Variants in AZIN2 observed in about 807,000 individuals in gnomAD.
AZIN2 encodes the protein ODC antizyme inhibitor-2.
A neutral mutation model predicts 47.8 loss-of-function variants in AZIN2; 28 were observed. The ratio of observed to expected loss-of-function variants is 0.59; its 90% confidence interval spans 0.43 to 0.80. AZIN2 has a LOEUF of 0.80. Among genes scored for constraint, AZIN2 ranks in the 30% least tolerant of loss-of-function variants. AZIN2 has a pLI of 0.00. For missense variants in AZIN2, 535 were observed against 582.5 expected, an observed-to-expected ratio of 0.92 and a Z score of 0.84; for synonymous variants, 221 against 239.4, an observed-to-expected ratio of 0.92 and a Z score of 0.71.
intron 11 of AZIN2, chr1:33,119,819 T>C (rs1189727831): frequency 1.7e-6 from 1 of 591,480 alleles, no homozygotes; most frequent in Non-Finnish European, 3.0e-6. Context: ...ATGTCTGGCA[T>C]GTAGTAAATG....
At chr1:33,101,277 G>A (rs1305887472) in intron 10 of AZIN2, among the ~76,000 whole-genome samples, 4 of 151,716 alleles carry the variant, frequency 2.6e-5, no homozygotes, top group African/African-American at 9.7e-5. Flanking sequence ...AGCCCCAAGC[G>A]ATTGTCCAGC....
At chr1:33,083,910 C>A (rs375138247) in intron 4 of AZIN2, 44 bp from the exon 5 acceptor site, 52 of 1,608,754 alleles carry the variant, frequency 3.2e-5, no homozygotes, top group Non-Finnish European at 4.4e-5. Context: ...GCACAGGGTG[C>A]GAGCTGGATG....
downstream of AZIN2, among the ~76,000 whole-genome samples, chr1:33,124,615 C>T (rs1056729301): frequency 3.3e-5 from 5 of 152,110 alleles, no homozygotes; most frequent in African/African-American, 1.2e-4. This position sits in a 1 kb window ranked among gnomAD's most constrained non-coding sequence, Gnocchi z 4.6. Flanking sequence ...TGGTGTGCTG[C>T]ACCCATTAAC....
intron 10 of AZIN2, among the ~76,000 whole-genome samples, chr1:33,114,510 T>C (rs1020526554): frequency 1.3e-5 from 2 of 151,596 alleles, no homozygotes; most frequent in African/African-American, 2.4e-5. Context: ...CCCGCCACCA[T>C]GCCCGGCTAA....
At chr1:33,154,521 T>C in the AZIN2 span, among the ~76,000 whole-genome samples, 5 of 151,472 alleles carry the variant, frequency 3.3e-5, no homozygotes, top group Non-Finnish European at 7.4e-5. Context: ...TTTTTGAGGC[T>C]GGGCGCGGTG....
At chr1:33,152,054 T>A in the AZIN2 span, among the ~76,000 whole-genome samples, 1 of 152,184 alleles carries the variant, frequency 6.6e-6, no homozygotes, top group East Asian at 1.9e-4. Flanking sequence ...GCAAAAACAT[T>A]CTCACACTCA....
At chr1:33,143,878 T>C in the AZIN2 span, among the ~76,000 whole-genome samples, 3 of 152,208 alleles carry the variant, frequency 2.0e-5, no homozygotes, top group Admixed American at 2.0e-4. Flanking sequence ...CCAGCATAAT[T>C]TCACAAGCCT....
intron 10 of AZIN2, among the ~76,000 whole-genome samples, chr1:33,108,970 C>T (rs1644155260): frequency 6.6e-6 from 1 of 152,166 alleles, no homozygotes. Flanking sequence ...AGCGGCTGTA[C>T]CATTTTGCAT....
At chr1:33,123,754 T>G (rs141008803), downstream of AZIN2, among the ~76,000 whole-genome samples, 1,776 of 152,268 alleles carry the variant, frequency 0.012, 47 homozygotes, top group African/African-American at 0.04. Context: ...ATTCTAGTAC[T>G]TTGGGAGGCC....
chr1:33,136,182 CT>C, the AZIN2 span, among the ~76,000 whole-genome samples: 1 of 149,258 alleles, frequency 6.7e-6, no homozygotes, highest in African/African-American at 2.5e-5. Flanking sequence ...TTCCCTCCCT[CT>C]CTCCCTCCCT....
rs1644788752 is a variant in AZIN2 at position 33,121,287 on chromosome 1, G to A, written c.*1105G>A. On this transcript the variant is annotated 3_prime_UTR_variant, in exon 12 of 12. Transcript: ENST00000294517. ...TCACCCTTTTAAATGCAGAAGCCTG[G>A]GTGCAGTGGCTCACACCTGTAATCC... is the stretch of plus-strand genomic sequence containing the variant. 6.6e-6 allele frequency among the ~76,000 whole-genome samples: 1 copy of A among 152,176 alleles called. No individual in the cohort carries two copies. The highest frequency in any genetic ancestry group is 1.5e-5 in the Non-Finnish European group (1 of 68,036).
the AZIN2 span, chr1:33,163,543 C>T: frequency 2.0e-5 from 3 of 152,460 alleles, no homozygotes; most frequent in Admixed American, 6.5e-5. Context: ...AGGGCAGAGT[C>T]ACCCTTTCCC....
At chr1:33,094,219 A>G (rs1464338265) in intron 7 of AZIN2, among the ~76,000 whole-genome samples, 1 of 152,182 alleles carries the variant, frequency 6.6e-6, no homozygotes, top group Non-Finnish European at 1.5e-5. Flanking sequence ...AGGTGGGGAA[A>G]CTAAAACAAA....
In AZIN2 at chr1:33,113,170, G is replaced by A. The variant is rs1000342841; in HGVS notation, c.1030-4732G>A. ...GATGGGGTAGAGATGGGGTTTCACC[G>A]TGTTAACCAGGATGGTCTCGACCTC... On this transcript the variant is annotated intron_variant, in intron 10 of 11. Transcript: ENST00000294517. The surrounding 1 kb of genome is among the most constrained non-coding windows in gnomAD (Gnocchi z 4.1). 5.3e-5 allele frequency among the ~76,000 whole-genome samples: 8 copies of A among 152,136 alleles called. No individual in the cohort carries two copies. The highest frequency in any genetic ancestry group is 8.8e-5 in the Non-Finnish European group (6 of 68,020).
At chr1:33,154,002 T>A in the AZIN2 span, among the ~76,000 whole-genome samples, 1 of 152,128 alleles carries the variant, frequency 6.6e-6, no homozygotes, top group Non-Finnish European at 1.5e-5. Context: ...CAGGAAGGCT[T>A]CTCAGAGGAA....
chr1:33,158,287 G>A, the AZIN2 span: 1 of 1,614,076 alleles, frequency 6.2e-7, no homozygotes, highest in Non-Finnish European at 8.5e-7. Flanking sequence ...ACTTCCAGAT[G>A]GTGTACTGCA....
At chr1:33,106,313 G>C (rs1644006066) in intron 10 of AZIN2, among the ~76,000 whole-genome samples, 1 of 152,138 alleles carries the variant, frequency 6.6e-6, no homozygotes, top group South Asian at 2.1e-4. Flanking sequence ...GGACCTTATG[G>C]CTTTACTGGT....
the AZIN2 span, among the ~76,000 whole-genome samples, chr1:33,144,543 T>C: frequency 6.6e-6 from 1 of 152,242 alleles, no homozygotes; most frequent in East Asian, 1.9e-4. Flanking sequence ...GCCCGACTGA[T>C]AGAACCTCTC....
At chr1:33,092,649 C>A (rs1019311595) in intron 6 of AZIN2, among the ~76,000 whole-genome samples, 3 of 151,746 alleles carry the variant, frequency 2.0e-5, no homozygotes, top group Non-Finnish European at 4.4e-5. Flanking sequence ...TAGTGAACTG[C>A]GTAAGCAAAT....
Sources: gnomAD v4.1 joint callset for allele counts (sites outside exome capture counted in the v4.1 genomes callset) on GRCh38, gnomAD v4.1.1 for gene constraint, Gnocchi (gnomAD v3.1) non-coding constraint, MANE v1.5 for transcripts, NCBI Gene and HGNC (gene_info 2026-07-23, HGNC 2026-07-21) for gene names.